PAWR: variants seen among roughly 807,000 people sequenced by gnomAD.
PAWR encodes PRKC apoptosis WT1 regulator protein.
Under a neutral mutation model 32.0 loss-of-function variants are expected in PAWR, and 23 were observed. The ratio of observed to expected loss-of-function variants is 0.72; its 90% CI spans 0.52 to 1.02. The LOEUF (loss-of-function observed/expected upper bound fraction) is 1.02. Among genes scored for constraint, PAWR ranks in the 50% least tolerant of loss-of-function variants. The pLI, the probability that PAWR is intolerant of heterozygous loss-of-function variation, is 0.00. For missense variants in PAWR, 457 were observed against 437.7 expected (o/e 1.04, Z -0.39); for synonymous variants, 226 against 187.1 (o/e 1.21, Z -1.70).
intron 3 of PAWR, among the ~76,000 whole-genome samples, chr12:79,615,353 T>C (rs974499310): frequency 2.6e-5 from 4 of 152,170 alleles, no homozygotes; most frequent in African/African-American, 9.7e-5. Flanking sequence ...GGGAAATAAC[T>C]TCCTTAGTAA....
chr12:79,601,207 A>ATTTTTT (rs534042888), intron 4 of PAWR, among the ~76,000 whole-genome samples: 1 of 118,492 alleles, frequency 8.4e-6, no homozygotes, highest in East Asian at 2.6e-4. Flanking sequence ...GGAAACCTGA[A>ATTTTTT]TTTTTTTTTT....
rs34166197 is a variant in PAWR at position 79,650,714 on chromosome 12, TAA to T, written c.517-29509_517-29508del. On this transcript the variant is annotated intron_variant, in intron 2 of 6. Transcript: ENST00000328827. ...AAGTTCAACAGAGCTTAAAGGTTAT[TAA>T]AAAAAAAAAAAAAAAAAAAAGGTAC... 9.3e-3 allele frequency among the ~76,000 whole-genome samples: 1,050 copies of T among 113,032 alleles called. 8 individuals carry two copies. Among genetic ancestry groups the T allele is most frequent in the African/African-American group, 0.029 (833 of 29,128 alleles). 74.2% of individuals were successfully genotyped at this position (113,032 alleles called of 152,430 possible).
intron 4 of PAWR, 82 bp downstream of exon 4, chr12:79,613,493 C>A: frequency 1.5e-6 from 1 of 661,794 alleles, no homozygotes; most frequent in Non-Finnish European, 2.6e-6. Flanking sequence ...CAAAAAGCTG[C>A]TTTAAATAGT....
chr12:79,609,953 G>T lies in PAWR; in HGVS notation c.683+3622C>A, dbSNP rs561874167. 1.8e-3 allele frequency among the ~76,000 whole-genome samples: 271 copies of T among 152,304 alleles called. 1 individual carries two copies. Among genetic ancestry groups the T allele is most frequent in the Admixed American group, 4.1e-3 (62 of 15,308 alleles). On this transcript the variant is annotated intron_variant, in intron 4 of 6. Transcript: ENST00000328827. ...GGGCATCCCCCTAGATACTGCCATG[G>T]GGACAGTACAGAATTCATTCCTGCC... is the stretch of plus-strand genomic sequence containing the variant.
chr12:79,690,066 G>T lies in PAWR; in HGVS notation c.179C>A (p.Thr60Asn). 1.5e-6 allele frequency: 2 copies of T among 1,377,042 alleles called. No homozygotes were observed. Among genetic ancestry groups the T allele is most frequent in the Non-Finnish European group, 1.9e-6 (2 of 1,075,626 alleles). 85.3% of individuals were successfully genotyped at this position (1,377,042 alleles called of 1,614,324 possible). A position where few individuals can be genotyped will look rare whatever the true frequency, so the allele number is the denominator to read the frequency against. The change falls in exon 2 of 7, where the codon ACC becomes AAC. Residue 60 changes from threonine (T) to asparagine (N), a missense_variant. By Grantham distance (65) the Thr-to-Asn change is moderately conservative (BLOSUM62 0). Transcript: ENST00000328827. ...CTCGTTGGCAGCGGCGGCCGCCGGG[G>T]TGCCCAGAGCCCCCGCGGGGGGCTT... ...AGKPPAGALG[T>N]PAAAAANELN...
chr12:79,651,713 G>A (rs2491341), intron 2 of PAWR, among the ~76,000 whole-genome samples: 28,409 of 145,250 alleles, frequency 0.2, 7,253 homozygotes, highest in African/African-American at 0.59. Flanking sequence ...CGGGGGCTGG[G>A]GGGGTGGGGC....
intron 2 of PAWR, among the ~76,000 whole-genome samples, chr12:79,663,331 G>T (rs929550054): frequency 2.0e-5 from 3 of 152,092 alleles, no homozygotes; most frequent in Admixed American, 2.0e-4. Flanking sequence ...CTTCTCTGTC[G>T]TTTAGGAATA....
intron 2 of PAWR, among the ~76,000 whole-genome samples, chr12:79,669,679 TTAAA>T (rs1349889846): frequency 6.6e-6 from 1 of 152,170 alleles, no homozygotes; most frequent in Non-Finnish European, 1.5e-5. Flanking sequence ...ACTGAAACTG[TTAAA>T]TAAGTTATTT....
chr12:79,635,640 G>A (rs979808845), intron 2 of PAWR: 2 of 152,096 alleles, frequency 1.3e-5, no homozygotes, highest in Non-Finnish European at 2.9e-5. Flanking sequence ...CAGGAAATAT[G>A]TTGTTTATAA....
At chr12:79,593,707 T>G (rs1188075877) in intron 6 of PAWR, among the ~76,000 whole-genome samples, 1 of 147,428 alleles carries the variant, frequency 6.8e-6, no homozygotes, top group African/African-American at 2.5e-5. Context: ...TAGGGTTTTT[T>G]TTTTTTTTTT....
intron 2 of PAWR, among the ~76,000 whole-genome samples, chr12:79,641,579 T>C (rs1876322509): frequency 6.6e-6 from 1 of 152,132 alleles, no homozygotes; most frequent in African/African-American, 2.4e-5. Context: ...CCAGGCGCGG[T>C]GGCTCACGCC....
At chr12:79,612,930 T>C (rs1874506885) in intron 4 of PAWR, among the ~76,000 whole-genome samples, 1 of 152,236 alleles carries the variant, frequency 6.6e-6, no homozygotes, top group African/African-American at 2.4e-5. Flanking sequence ...CGGACTGATC[T>C]GTGTCCTCCC....
intron 3 of PAWR, among the ~76,000 whole-genome samples, chr12:79,620,077 C>T (rs747806865): frequency 3.3e-5 from 5 of 152,202 alleles, no homozygotes; most frequent in African/African-American, 7.2e-5. Flanking sequence ...AACAAAGCCA[C>T]AGCCCTCAGT....
chr12:79,618,689 T>C (rs190854165), intron 3 of PAWR, among the ~76,000 whole-genome samples: 8 of 152,270 alleles, frequency 5.3e-5, no homozygotes, highest in African/African-American at 1.7e-4. Flanking sequence ...ACAAAATGGA[T>C]GACGGCAGAG....
intron 2 of PAWR, chr12:79,668,066 G>C (rs1877698126): frequency 6.6e-6 from 1 of 152,292 alleles, no homozygotes; most frequent in African/African-American, 2.4e-5. Context: ...ACCACGCCTG[G>C]CTAATTTTGT....
intron 3 of PAWR, among the ~76,000 whole-genome samples, chr12:79,620,794 T>C (rs1169531547): frequency 6.6e-6 from 1 of 152,042 alleles, no homozygotes; most frequent in East Asian, 1.9e-4. Context: ...AGAGTCCCCA[T>C]GGAGGAGCAA....
At chr12:79,667,322 T>C (rs1221699439) in intron 2 of PAWR, among the ~76,000 whole-genome samples, 1 of 152,200 alleles carries the variant, frequency 6.6e-6, no homozygotes, top group Non-Finnish European at 1.5e-5. Flanking sequence ...AAATACCACA[T>C]ATAATGTATC....
At chr12:79,677,178 C>A (rs1878211116) in intron 2 of PAWR, among the ~76,000 whole-genome samples, 1 of 152,070 alleles carries the variant, frequency 6.6e-6, no homozygotes, top group African/African-American at 2.4e-5. Flanking sequence ...GCTAGCTATA[C>A]CGGAACATCC....
chr12:79,636,545 A>G (rs1055977770), intron 2 of PAWR, among the ~76,000 whole-genome samples: 6 of 152,166 alleles, frequency 3.9e-5, no homozygotes, highest in East Asian at 1.9e-4. Flanking sequence ...TTAATTTTTA[A>G]TAAGTGCTCA....
Sources: gnomAD v4.1 joint callset for allele counts (sites outside exome capture counted in the v4.1 genomes callset) on GRCh38, gnomAD v4.1.1 for gene constraint, MANE v1.5 for transcripts, NCBI Gene and HGNC (gene_info 2026-07-23, HGNC 2026-07-21) for gene names.